The following TRAK1 variants were observed in gnomAD, a reference collection of about 807,000 sequenced individuals.
The protein encoded by TRAK1 is trafficking kinesin-binding protein 1.
A neutral mutation model predicts 92.1 loss-of-function variants in TRAK1; 33 were observed. The observed-to-expected ratio is 0.36, with a 90% CI of 0.27 to 0.48. The LOEUF (loss-of-function observed/expected upper bound fraction) is 0.48. TRAK1 is among the 20% of genes least tolerant of loss of function. TRAK1 has a pLI of 0.99. For missense variants in TRAK1, 1,123 were observed against 1,257.9 expected (o/e 0.89, Z 1.62); for synonymous variants, 521 against 517.3 (o/e 1.01, Z -0.10).
chr3:42,160,299 G>T lies in TRAK1; in HGVS notation c.287-16515G>T, dbSNP rs959508224. The stretch of plus-strand genomic sequence containing the variant: ...CCTGCATGGCTCCTCTGGGTAGGGG[G>T]TCGGGGGCACCCCCAAGGATGGTCC... On this transcript the variant is annotated intron_variant, in intron 2 of 15. Coordinates refer to ENST00000327628, the MANE Select transcript of TRAK1 (RefSeq NM_001042646.3). 24 of 1,593,932 alleles carry T rather than the reference G, an allele frequency of 1.5e-5. No homozygotes were observed. In the Admixed American group the frequency reaches 2.2e-4, roughly 15 times the overall value.
intron 15 of TRAK1, chr3:42,220,644 G>T: frequency 8.2e-6 from 8 of 975,524 alleles, no homozygotes; most frequent in Non-Finnish European, 9.7e-6. Flanking sequence ...GGAAGGAGCT[G>T]TGTGTGCACG....
At chr3:42,199,140 G>C (rs1707170802) in intron 10 of TRAK1, 37 bp from the exon 11 acceptor site, 2 of 1,610,724 alleles carry the variant, frequency 1.2e-6, no homozygotes, top group Non-Finnish European at 1.7e-6. Flanking sequence ...ATTTGAATTG[G>C]CGCTCACTTG....
chr3:42,070,085 C>CA (rs1346476766), intron 1 of TRAK1, among the ~76,000 whole-genome samples: 4 of 151,950 alleles, frequency 2.6e-5, no homozygotes, highest in Non-Finnish European at 4.4e-5. Context: ...CTCTGGACCT[C>CA]AGGTGATCTG....
At chr3:42,064,609 T>C (rs1241163796) in intron 1 of TRAK1, among the ~76,000 whole-genome samples, 1 of 152,230 alleles carries the variant, frequency 6.6e-6, no homozygotes, top group South Asian at 2.1e-4. Flanking sequence ...ATAAATACTT[T>C]AAGCAGACTA....
upstream of TRAK1, among the ~76,000 whole-genome samples, chr3:42,088,860 G>A (rs769233189): frequency 3.3e-5 from 5 of 152,168 alleles, no homozygotes; most frequent in African/African-American, 9.7e-5. Context: ...TGAAGGGCCC[G>A]GGGCCCAGCC....
At chr3:42,070,141 G>C (rs1216825737) in intron 1 of TRAK1, among the ~76,000 whole-genome samples, 1 of 151,868 alleles carries the variant, frequency 6.6e-6, no homozygotes, top group Non-Finnish European at 1.5e-5. Flanking sequence ...TTAATCCACT[G>C]TGCCCAGCCT....
Position 42,215,132 on chromosome 3 carries a change from C to A in TRAK1, c.1964-4362C>A, listed in dbSNP as rs535231104. The stretch of plus-strand genomic sequence containing the variant: ...TGAACTCATCATAGAACTTTTTTTC[C>A]CCCTGAAAATATCATGGGCAGAGTT... On this transcript the variant is annotated intron_variant, in intron 14 of 15. Coordinates refer to ENST00000327628, the MANE Select transcript of TRAK1 (RefSeq NM_001042646.3). 1.2e-4 allele frequency among the ~76,000 whole-genome samples: 18 copies of A among 152,092 alleles called. 1 individual carries two copies. In the South Asian group the frequency reaches 3.7e-3, roughly 32 times the overall value.
intron 2 of TRAK1, among the ~76,000 whole-genome samples, chr3:42,155,962 C>A (rs568165612): frequency 6.6e-6 from 1 of 152,266 alleles, no homozygotes; most frequent in African/African-American, 2.4e-5. Flanking sequence ...TTGACCCTCC[C>A]CTCCACTGGT....
At chr3:42,042,962 T>C (rs1702607752) in intron 1 of TRAK1, among the ~76,000 whole-genome samples, 2 of 152,118 alleles carry the variant, frequency 1.3e-5, no homozygotes, top group Admixed American at 1.3e-4. Context: ...TAAAAAAGAA[T>C]GATCTCAGAT....
intron 1 of TRAK1, among the ~76,000 whole-genome samples, chr3:42,117,923 G>A (rs752752811): frequency 1.3e-5 from 2 of 151,906 alleles, no homozygotes; most frequent in African/African-American, 2.4e-5. Context: ...GGGTTTAAGC[G>A]ATTCTCCCGC....
intron 1 of TRAK1, among the ~76,000 whole-genome samples, chr3:42,018,954 T>C (rs563370441): frequency 1.3e-5 from 2 of 152,230 alleles, no homozygotes; most frequent in South Asian, 4.1e-4. Flanking sequence ...AAACCCCGTC[T>C]CTATTAAAAA....
intron 2 of TRAK1, among the ~76,000 whole-genome samples, chr3:42,128,274 G>A (rs1710842822): frequency 6.6e-6 from 1 of 152,172 alleles, no homozygotes; most frequent in African/African-American, 2.4e-5. Context: ...TAGTTATACA[G>A]TTAAGAAAAA....
At chr3:42,021,387 T>C (rs1338654442) in intron 1 of TRAK1, among the ~76,000 whole-genome samples, 1 of 152,202 alleles carries the variant, frequency 6.6e-6, no homozygotes, top group East Asian at 1.9e-4. Context: ...GAAGTAGCTT[T>C]GTTTTCATTC....
At position 42,219,560 on chromosome 3, in the gene TRAK1, T is replaced by G; in HGVS notation, c.2030T>G (p.Leu677Arg). ...STFTFTTCRI[L>R]HPSDELTRVT... is the part of the protein sequence containing the mutation. ...TTCACCTTCACCACCTGTCGCATCCTGCATCCTTCAGATGAGCTCACTCGG... is the reference window on the plus strand; with the variant it reads ...TTCACCTTCACCACCTGTCGCATCCGGCATCCTTCAGATGAGCTCACTCGG... The change falls in exon 15 of 16, where the codon CTG becomes CGG. Residue 677 changes from leucine (L) to arginine (R), a missense_variant. Coordinates refer to ENST00000327628, the MANE Select transcript of TRAK1 (RefSeq NM_001042646.3). 1 of 1,608,832 alleles carries G rather than the reference T, an allele frequency of 6.2e-7. No individual in the cohort carries two copies. Among genetic ancestry groups the G allele is most frequent in the Non-Finnish European group, 8.5e-7 (1 of 1,177,204 alleles).
intron 1 of TRAK1, among the ~76,000 whole-genome samples, chr3:42,049,437 T>A (rs192741396): frequency 2.6e-4 from 40 of 152,174 alleles, no homozygotes; most frequent in African/African-American, 7.0e-4. Context: ...ATCTATTTTT[T>A]AAAATTATTT....
chr3:42,105,339 T>G (rs776829492), intron 1 of TRAK1, among the ~76,000 whole-genome samples: 17 of 152,166 alleles, frequency 1.1e-4, no homozygotes, highest in Non-Finnish European at 2.4e-4. Flanking sequence ...TTGATGGAGC[T>G]GAAAACCATG....
In TRAK1 at chr3:42,125,566, A is replaced by G; in HGVS notation, c.238A>G (p.Asn80Asp). Residue 80 changes from asparagine to aspartate, a missense_variant, in exon 2 of 16, where the codon AAC becomes GAC. Around this residue, in one of 3 missense-constraint regions of TRAK1, gnomAD observed 686 missense variants for 747.6 expected, o/e 0.92. Transcript: ENST00000327628. ...LHTPLISPDA[N>D]IDLTTEQIEE... ...TACACCTCTCATTTCTCCAGATGCC[A>G]ACATTGACCTCACAACCGAGCAAAT... The G allele has an allele frequency of 1.2e-6, 2 of 1,614,240 alleles. No homozygotes were observed. Among genetic ancestry groups the G allele is most frequent in the Non-Finnish European group, 1.7e-6 (2 of 1,180,044 alleles).
intron 1 of TRAK1, among the ~76,000 whole-genome samples, chr3:42,110,082 C>A (rs1200638859): frequency 1.0e-5 from 1 of 96,766 alleles, no homozygotes; most frequent in Non-Finnish European, 2.1e-5. Context: ...CACATGTACC[C>A]TAGAACTTAA....
intron 13 of TRAK1, among the ~76,000 whole-genome samples, chr3:42,208,977 C>T (rs779607624): frequency 6.6e-6 from 1 of 152,196 alleles, no homozygotes; most frequent in East Asian, 1.9e-4. Flanking sequence ...CTTTGTAGAA[C>T]ACTTGTGACA....
Sources: allele counts gnomAD v4.1 joint callset (sites outside exome capture counted in the v4.1 genomes callset), GRCh38; gene constraint gnomAD v4.1.1; regional missense constraint gnomAD v4.1.1; transcripts MANE v1.5; gene names NCBI Gene and HGNC (gene_info 2026-07-23, HGNC 2026-07-21).